The following HIF1A variants were observed in gnomAD, a reference collection of about 807,000 sequenced individuals.
HIF1A encodes hypoxia-inducible factor 1-alpha.
In HIF1A, 24 loss-of-function variants were observed where a neutral mutation model predicts 92.7. The ratio of observed to expected loss-of-function variants is 0.26; its 90% CI spans 0.19 to 0.36. The LOEUF (loss-of-function observed/expected upper bound fraction) is 0.36, where lower values mean the gene tolerates loss of function less well. Ranked by LOEUF, HIF1A falls within the 10% of genes least tolerant of loss-of-function variation. The probability of loss-of-function intolerance (pLI) is 1.00; values close to 1 mark genes in which losing one functional copy is unlikely to be tolerated. For synonymous variants in HIF1A, 319 were observed against 338.7 expected (o/e 0.94, Z 0.64); for missense variants, 799 against 998.5 (o/e 0.80, Z 2.69).
intron 6 of HIF1A, among the ~76,000 whole-genome samples, chr14:61,729,516 A>G (rs2044549713): frequency 6.6e-6 from 1 of 151,966 alleles, no homozygotes; most frequent in Admixed American, 6.6e-5. Context: ...TCAGGATTAA[A>G]GGAGTCCATT....
At chr14:61,734,011 C>G in intron 7 of HIF1A, 127 bp from the exon 8 acceptor site, 1 of 627,254 alleles carries the variant, frequency 1.6e-6, no homozygotes, top group Non-Finnish European at 2.6e-6. Flanking sequence ...TAAGCAGTTA[C>G]AACTGATTCC....
intron 1 of HIF1A, 142 bp downstream of exon 1, chr14:61,695,981 C>T (rs2044109344): frequency 5.4e-6 from 4 of 737,082 alleles, no homozygotes; most frequent in East Asian, 3.0e-5. Flanking sequence ...CCTCCCCTCT[C>T]TTCCCCCAAC....
In HIF1A at chr14:61,695,781, A is replaced by G. The variant is rs1195267684; in HGVS notation, c.-24A>G. On this transcript the variant is annotated 5_prime_UTR_variant, in exon 1 of 15. Transcript: ENST00000337138. ...CGAGCCTGGGGGCCGCCCGCCGTGAAGACATCGCGGGGACCGATTCACCAT... is the reference window on the plus strand; with the variant it reads ...CGAGCCTGGGGGCCGCCCGCCGTGAGGACATCGCGGGGACCGATTCACCAT... 1.3e-6 allele frequency: 2 copies of G among 1,593,134 alleles called. No homozygotes were observed. The highest frequency in any genetic ancestry group is 3.6e-5 in the Admixed American group (2 of 55,902).
Position 61,744,792 on chromosome 14 carries a change from A to C in HIF1A, c.2181A>C (p.Ser727=), listed in dbSNP as rs749137809. Residue 727 remains serine, a synonymous_variant, in exon 13 of 15, where the codon TCA becomes TCC. Coordinates refer to ENST00000337138, the MANE Select transcript of HIF1A (RefSeq NM_001530.4). ...AGCGAAAAATGGAACATGATGGTTC[A>C]CTTTTTCAAGCAGTAGGAATTGTAA... The part of the protein sequence containing the change: ...QRKRKMEHDG[S]LFQAVGIGTL... 1 of 1,580,144 alleles carries C rather than the reference A, an allele frequency of 6.3e-7. No individual in the cohort carries two copies. Among genetic ancestry groups the C allele is most frequent in the East Asian group, 2.2e-5 (1 of 44,454 alleles).
At chr14:61,745,482 A>T in intron 13 of HIF1A, 1 of 570,564 alleles carries the variant, frequency 1.8e-6, no homozygotes, top group Admixed American at 3.0e-5. Context: ...ATACATTCTG[A>T]TATTTTCAAA....
rs769821925 is a variant in HIF1A at position 61,738,152 on chromosome 14, C to T, written c.1315C>T (p.Pro439Ser). 4 of 1,613,938 alleles carry T rather than the reference C, an allele frequency of 2.5e-6. No individual in the cohort carries two copies. The highest frequency in any genetic ancestry group is 3.4e-6 in the Non-Finnish European group (4 of 1,179,884). The change falls in exon 10 of 15, where the codon CCC becomes TCC. Residue 439 changes from proline to serine, a missense_variant. By Grantham distance (74) the Pro-to-Ser change is moderately conservative. Around this residue, in one of 2 missense-constraint regions of HIF1A, gnomAD observed 516 missense variants for 721.0 expected, o/e 0.72. Coordinates refer to ENST00000337138, the MANE Select transcript of HIF1A (RefSeq NM_001530.4). ...ATATAATGATGTAATGCTCCCCTCA[C>T]CCAACGAAAAATTACAGAATATAAA... ...PLYNDVMLPS[P>S]NEKLQNINLA... is the part of the protein sequence containing the mutation.
intron 8 of HIF1A, among the ~76,000 whole-genome samples, chr14:61,735,490 C>T (rs1396073496): frequency 6.6e-6 from 1 of 152,200 alleles, no homozygotes; most frequent in Non-Finnish European, 1.5e-5. Context: ...AGCTTGTTAG[C>T]TTCTCAGTGA....
In HIF1A at chr14:61,709,632, G is replaced by T. The variant is rs139147634; in HGVS notation, c.36-10750G>T. On this transcript the variant is annotated intron_variant, in intron 1 of 14. Transcript: ENST00000337138. ...TTTAGATAATAATGATCTAAACCAA[G>T]AAATTTAGTTGCTTTCAAAAATAAA... Among the ~76,000 whole-genome samples, 1,383 of 152,226 alleles carry T rather than the reference G, an allele frequency of 9.1e-3. 11 individuals are homozygous for T. Among genetic ancestry groups the T allele is most frequent in the Middle Eastern group, 0.014 (4 of 294 alleles).
Position 61,697,061 on chromosome 14 carries a change from A to G in HIF1A, c.35+1222A>G, listed in dbSNP as rs144690355. Among the ~76,000 whole-genome samples the G allele has an allele frequency of 1.1e-3, 170 of 152,344 alleles. 1 individual carries two copies. Among genetic ancestry groups the G allele is most frequent in the African/African-American group, 3.9e-3 (161 of 41,588 alleles). On this transcript the variant is annotated intron_variant, in intron 1 of 14. Transcript: ENST00000337138. ...AAGATTTAGAGTAAGAGTTTTGGTT[A>G]GTAGACTGGCTTTGCTGTTAAATCC...
intron 6 of HIF1A, 83 bp downstream of exon 6, chr14:61,727,738 G>C: frequency 9.6e-7 from 1 of 1,040,858 alleles, no homozygotes; most frequent in Admixed American, 1.8e-5. Flanking sequence ...AAGATTCAGC[G>C]CTGGCCATGC....
chr14:61,718,349 A>C (rs893347604), intron 1 of HIF1A, among the ~76,000 whole-genome samples: 2 of 152,156 alleles, frequency 1.3e-5, no homozygotes, highest in Non-Finnish European at 2.9e-5. Flanking sequence ...TCTATTTTAG[A>C]GGCTTTATTT....
chr14:61,707,338 G>A (rs1424770928), intron 1 of HIF1A, among the ~76,000 whole-genome samples: 1 of 152,012 alleles, frequency 6.6e-6, no homozygotes, highest in Non-Finnish European at 1.5e-5. Context: ...TAAGTTTTAG[G>A]GTACATGTGC....
intron 1 of HIF1A, among the ~76,000 whole-genome samples, chr14:61,718,451 G>A (rs1200287493): frequency 2.6e-5 from 4 of 152,046 alleles, no homozygotes; most frequent in Non-Finnish European, 4.4e-5. Context: ...TTTCTGTTAG[G>A]GCCAATAGGG....
intron 8 of HIF1A, among the ~76,000 whole-genome samples, chr14:61,735,761 C>G (rs2044628366): frequency 6.6e-6 from 1 of 152,164 alleles, no homozygotes; most frequent in Non-Finnish European, 1.5e-5. Context: ...TTCTTACCAC[C>G]AAAGAAAATA....
chr14:61,746,648 G>T (rs1427896328), intron 14 of HIF1A, among the ~76,000 whole-genome samples: 1 of 152,058 alleles, frequency 6.6e-6, no homozygotes, highest in Admixed American at 6.5e-5. Context: ...TCCTGCCTCA[G>T]CCTGTGCTAG....
At chr14:61,701,807 G>T (rs2044179897) in intron 1 of HIF1A, among the ~76,000 whole-genome samples, 1 of 152,024 alleles carries the variant, frequency 6.6e-6, no homozygotes, top group Non-Finnish European at 1.5e-5. Context: ...GGCCAACATG[G>T]TGAAACCCCA....
chr14:61,747,140 C>T lies in HIF1A; in HGVS notation c.*55C>T, dbSNP rs542082268. 108 of 1,452,224 alleles carry T rather than the reference C, an allele frequency of 7.4e-5. 1 individual carries two copies. The South Asian group carries it at 1.3e-3, about 18-fold the overall frequency. The allele number at this position is 1,452,224 out of a possible 1,614,324, so 90.0% of individuals were successfully genotyped here. On this transcript the variant is annotated 3_prime_UTR_variant, in exon 15 of 15. Coordinates refer to ENST00000337138, the MANE Select transcript of HIF1A (RefSeq NM_001530.4). The stretch of plus-strand genomic sequence containing the variant: ...GACACTGGTGGCTCATTACCTAAAG[C>T]AGTCTATTTATATTTTCTACATCTA...
rs1339195532 is a variant in HIF1A, at chr14:61,740,601, G to A, written c.1633G>A (p.Glu545Lys). The A allele has an allele frequency of 6.2e-7, 1 of 1,608,084 alleles. No homozygotes were observed. Among genetic ancestry groups the A allele is most frequent in the Non-Finnish European group, 8.5e-7 (1 of 1,177,204 alleles). Residue 545 changes from glutamate to lysine, a missense_variant, in exon 11 of 15, where the codon GAA becomes AAA. By Grantham distance (56) the Glu-to-Lys change is moderately conservative (BLOSUM62 1). Around this residue, in one of 2 missense-constraint regions of HIF1A, gnomAD observed 516 missense variants for 721.0 expected, o/e 0.72. Transcript: ENST00000337138. ...LVEKLFAEDT[E>K]AKNPFSTQDT... Reference sequence around the variant, plus strand: ...AGAAAAACTTTTTGCTGAAGACACAGAAGCAAAGAACCCATTTTCTACTCA... The same window carrying A: ...AGAAAAACTTTTTGCTGAAGACACAAAAGCAAAGAACCCATTTTCTACTCA...
intron 1 of HIF1A, among the ~76,000 whole-genome samples, chr14:61,701,999 AAAAG>A (rs1273159719): frequency 6.6e-6 from 1 of 152,046 alleles, no homozygotes; most frequent in African/African-American, 2.4e-5. Flanking sequence ...AAAAAATTAA[AAAAG>A]AAATCTGTGG....
Sources: gnomAD v4.1 joint callset for allele counts (sites outside exome capture counted in the v4.1 genomes callset) on GRCh38, gnomAD v4.1.1 for gene constraint, gnomAD v4.1.1 regional missense constraint, MANE v1.5 for transcripts, NCBI Gene and HGNC (gene_info 2026-07-23, HGNC 2026-07-21) for gene names.